The following NMT2 variants were observed in gnomAD, a reference collection of about 807,000 sequenced individuals.
NMT2 encodes glycylpeptide N-tetradecanoyltransferase 2.
Under a neutral mutation model 65.4 loss-of-function variants are expected in NMT2, and 35 were observed. The ratio of observed to expected loss-of-function variants is 0.54; its 90% CI spans 0.41 to 0.71. The LOEUF (loss-of-function observed/expected upper bound fraction) is 0.71, where lower values mean the gene tolerates loss of function less well. Among genes scored for constraint, NMT2 ranks in the 30% least tolerant of loss-of-function variants. NMT2 has a pLI of 0.00. For synonymous variants in NMT2, 226 were observed against 231.8 expected (o/e 0.98, Z 0.23); for missense variants, 489 against 611.3 (o/e 0.80, Z 2.11).
rs34019665 is a variant in NMT2, at chr10:15,118,589, C to CAA, written c.1170+752_1170+753dup. ...CATAAATCAGTAAGACAACTACGGT[C>CAA]AAAAAAAAAAAACAGGCAAGTGATG... On this transcript the variant is annotated intron_variant, in intron 9 of 11. Transcript: ENST00000378165. Among the ~76,000 whole-genome samples the CAA allele has an allele frequency of 3.3e-3, 421 of 126,350 alleles. 3 individuals are homozygous for CAA. The highest frequency in any genetic ancestry group is 0.011 in the African/African-American group (368 of 34,740). The allele number at this position is 126,350 out of a possible 152,430, so 82.9% of individuals were successfully genotyped here. A position where few individuals can be genotyped will look rare whatever the true frequency, so the allele number is the denominator to read the frequency against.
rs999298128 is a variant in NMT2, at chr10:15,118,601, A to C, written c.1170+742T>G. ...AGACAACTACGGTCAAAAAAAAAAA[A>C]CAGGCAAGTGATGTAAATAGCAAGT... is the stretch of plus-strand genomic sequence containing the variant. On this transcript the variant is annotated intron_variant, in intron 9 of 11. Transcript: ENST00000378165. Among the ~76,000 whole-genome samples the C allele has an allele frequency of 2.0e-5, 3 of 152,150 alleles. No homozygotes were observed. The East Asian group carries it at 5.8e-4, about 29-fold the overall frequency.
At position 15,107,444 on chromosome 10, in the gene NMT2, A is replaced by G; in HGVS notation, c.*1751T>C. ...TCCTAGGCACTGGCCCAGTAAAAGCAGGGAAAAGTATCTACTTTTGTTTTT... is the reference window on the plus strand; with the variant it reads ...TCCTAGGCACTGGCCCAGTAAAAGCGGGGAAAAGTATCTACTTTTGTTTTT... On this transcript the variant is annotated 3_prime_UTR_variant, in exon 12 of 12. Transcript: ENST00000378165. 1.0e-6 allele frequency: 1 copy of G among 985,456 alleles called. No individual in the cohort carries two copies. Among genetic ancestry groups the G allele is most frequent in the Non-Finnish European group, 1.2e-6 (1 of 829,932 alleles). 61.0% of individuals were successfully genotyped at this position (985,456 alleles called of 1,614,324 possible). A position where few individuals can be genotyped will look rare whatever the true frequency, so the allele number is the denominator to read the frequency against.
At position 15,109,155 on chromosome 10, in the gene NMT2, CAA is replaced by C; in HGVS notation, c.*38_*39del. 6.3e-7 allele frequency: 1 copy of C among 1,598,396 alleles called. No homozygotes were observed. The highest frequency in any genetic ancestry group is 8.5e-7 in the Non-Finnish European group (1 of 1,175,252). Reference sequence around the variant, plus strand: ...AGTTCCAGAAATCATTAAATATTAACAAATGATGATGTCAGAGTTCTAGAAAT... The same window carrying C: ...AGTTCCAGAAATCATTAAATATTAACATGATGATGTCAGAGTTCTAGAAAT... On this transcript the variant is annotated 3_prime_UTR_variant, in exon 12 of 12. Coordinates refer to ENST00000378165, the MANE Select transcript of NMT2 (RefSeq NM_004808.3).
chr10:15,133,037 G>C lies in NMT2; in HGVS notation c.602+16C>G, dbSNP rs773713492. Reference sequence around the variant, plus strand: ...AGCAGCGCCTATCCACGACATCTGTGATCGATGAGACTTACCACAACAGGA... The same window carrying C: ...AGCAGCGCCTATCCACGACATCTGTCATCGATGAGACTTACCACAACAGGA... On this transcript the variant is annotated intron_variant, in intron 5 of 11. Coordinates refer to ENST00000378165, the MANE Select transcript of NMT2 (RefSeq NM_004808.3). The C allele has an allele frequency of 2.5e-6, 4 of 1,609,746 alleles. No individual in the cohort carries two copies. In the South Asian group the frequency reaches 4.4e-5, roughly 18 times the overall value.
At chr10:15,111,877 A>G (rs1845531064) in intron 10 of NMT2, 1 of 151,658 alleles carries the variant, frequency 6.6e-6, no homozygotes, top group African/African-American at 2.4e-5. Flanking sequence ...GCAATGGTGC[A>G]ATCTCGGCTC....
At chr10:15,134,383 G>A (rs1846397740) in intron 3 of NMT2, among the ~76,000 whole-genome samples, 1 of 152,150 alleles carries the variant, frequency 6.6e-6, no homozygotes, top group South Asian at 2.1e-4. Context: ...GGCCTTCCTG[G>A]TGCCTTCCTT....
intron 1 of NMT2, among the ~76,000 whole-genome samples, chr10:15,145,126 C>T (rs887996950): frequency 6.6e-5 from 10 of 152,178 alleles, no homozygotes; most frequent in Admixed American, 6.5e-4. Context: ...GAAAACGCTA[C>T]ACTAAGTGAA....
intron 1 of NMT2, chr10:15,168,266 G>T (rs1362360157): frequency 2.4e-6 from 1 of 415,496 alleles, no homozygotes; most frequent in Non-Finnish European, 4.2e-6. Flanking sequence ...TGACAGTAGC[G>T]TCTCCCCGCC....
chr10:15,167,619 C>A (rs1833418640), intron 1 of NMT2, among the ~76,000 whole-genome samples: 1 of 152,238 alleles, frequency 6.6e-6, no homozygotes, highest in Non-Finnish European at 1.5e-5. Context: ...AAAAGGACAC[C>A]AGTTTTTATT....
chr10:15,163,948 G>A (rs527690402), intron 1 of NMT2, among the ~76,000 whole-genome samples: 2 of 152,262 alleles, frequency 1.3e-5, no homozygotes, highest in South Asian at 4.1e-4. Context: ...GGGAGGCCGA[G>A]GCGGGCGGAT....
chr10:15,132,806 T>A lies in NMT2; in HGVS notation c.719+11A>T. 1 of 1,570,538 alleles carries A rather than the reference T, an allele frequency of 6.4e-7. No individual in the cohort carries two copies. Among genetic ancestry groups the A allele is most frequent in the Non-Finnish European group, 8.7e-7 (1 of 1,147,798 alleles). ...CATATAAAAACCGCATGGACGAGCT[T>A]AAACATGTACCTGTCATAAATCCGA... On this transcript the variant is annotated intron_variant, in intron 6 of 11. Transcript: ENST00000378165.
chr10:15,144,343 T>C (rs1003696032), intron 1 of NMT2, among the ~76,000 whole-genome samples: 18 of 152,180 alleles, frequency 1.2e-4, no homozygotes, highest in Admixed American at 6.5e-5. Flanking sequence ...GAAGAGCTAC[T>C]TTTCCATTTC....
intron 8 of NMT2, among the ~76,000 whole-genome samples, chr10:15,127,524 G>A (rs1185866481): frequency 3.8e-5 from 4 of 104,972 alleles, no homozygotes; most frequent in Admixed American, 2.3e-4. Flanking sequence ...TCCAGCCTGG[G>A]CGACAGAGTG....
chr10:15,131,833 G>A (rs1846296372), intron 6 of NMT2, among the ~76,000 whole-genome samples: 1 of 152,072 alleles, frequency 6.6e-6, no homozygotes, highest in Non-Finnish European at 1.5e-5. Context: ...GTATCCTATG[G>A]AGAGAAAGCT....
intron 9 of NMT2, among the ~76,000 whole-genome samples, chr10:15,113,462 T>C (rs1333135863): frequency 5.7e-5 from 1 of 17,614 alleles, no homozygotes; most frequent in Non-Finnish European, 8.1e-5. Flanking sequence ...AGGATGAGAC[T>C]CAAAAAAAAA....
intron 1 of NMT2, among the ~76,000 whole-genome samples, chr10:15,160,923 C>T (rs1833167303): frequency 6.6e-6 from 1 of 151,024 alleles, no homozygotes; most frequent in African/African-American, 2.4e-5. Context: ...CTATAAAAGA[C>T]AGAGAAGCAG....
At chr10:15,127,546 C>CAAAAAAAAAAAAAAAA (rs1239422956) in intron 8 of NMT2, among the ~76,000 whole-genome samples, 46 of 51,352 alleles carry the variant, frequency 9.0e-4, no homozygotes, top group Non-Finnish European at 1.1e-3. Context: ...GACTCCGTCT[C>CAAAAAAAAAAAAAAAA]AAAAAAAAAA....
chr10:15,129,149 A>G (rs1426323571), intron 7 of NMT2, among the ~76,000 whole-genome samples: 3 of 152,254 alleles, frequency 2.0e-5, no homozygotes, highest in Non-Finnish European at 4.4e-5. Context: ...TTTACAGCCT[A>G]CACACCAAAG....
rs766448684 is a variant in NMT2, at chr10:15,128,540, A to T, written c.891-82T>A. The T allele has an allele frequency of 4.7e-6, 4 of 854,892 alleles. No individual in the cohort carries two copies. In the African/African-American group the frequency reaches 6.8e-5, roughly 14 times the overall value. The allele number at this position is 854,892 out of a possible 1,614,324, so 53.0% of individuals were successfully genotyped here. ...CTCTTTGTCTCAGCTTGGCTGTTAC[A>T]TAAGCATTTACTGAATACTTACGTT... On this transcript the variant is annotated intron_variant, in intron 7 of 11. Coordinates refer to ENST00000378165, the MANE Select transcript of NMT2 (RefSeq NM_004808.3).
Sources: gnomAD v4.1 joint callset for allele counts (sites outside exome capture counted in the v4.1 genomes callset) on GRCh38, gnomAD v4.1.1 for gene constraint, MANE v1.5 for transcripts, NCBI Gene and HGNC (gene_info 2026-07-23, HGNC 2026-07-21) for gene names.